Variants in ERBB4 observed in about 807,000 individuals in gnomAD.
ERBB4 encodes receptor tyrosine-protein kinase erbB-4.
Under a neutral mutation model 158.0 loss-of-function variants are expected in ERBB4, and 42 were observed. That is an observed-to-expected ratio of 0.27 (90% confidence interval 0.21 to 0.34). The LOEUF is 0.34. Among genes scored for constraint, ERBB4 ranks in the 10% least tolerant of loss-of-function variants. ERBB4 has a pLI of 1.00. For missense variants in ERBB4, 1,333 were observed against 1,624.1 expected, an observed-to-expected ratio of 0.82 and a Z score of 3.08; for synonymous variants, 583 against 558.7, an observed-to-expected ratio of 1.04 and a Z score of -0.61.
rs2074136408 is a variant in ERBB4 at position 211,722,528 on chromosome 2, T to G, written c.748A>C (p.Met250Leu). The change falls in exon 7 of 28, where the codon ATG becomes CTG. Residue 250 changes from methionine to leucine, a missense_variant. By Grantham distance (15) the Met-to-Leu change is conservative. Coordinates refer to ENST00000342788, the MANE Select transcript of ERBB4 (RefSeq NM_005235.3). The stretch of plus-strand genomic sequence containing the variant: ...CATGCTCCACTGTCATTGAAATTCA[T>G]GCAGGCCTGCAACACAGCAAATATT... Reference protein sequence around the residue: ...GPKDTDCFACMNFNDSGACVT... With the variant: ...GPKDTDCFACLNFNDSGACVT... 1 of 1,613,940 alleles carries G rather than the reference T, an allele frequency of 6.2e-7. No homozygotes were observed. Among genetic ancestry groups the G allele is most frequent in the Non-Finnish European group, 8.5e-7 (1 of 1,179,910 alleles).
chr2:212,104,052 A>G (rs571071457), intron 2 of ERBB4, among the ~76,000 whole-genome samples: 1 of 152,258 alleles, frequency 6.6e-6, no homozygotes, highest in African/African-American at 2.4e-5. Context: ...TCTTTGTGCT[A>G]GAAATACAAC....
intron 1 of ERBB4, among the ~76,000 whole-genome samples, chr2:212,295,083 T>G (rs1170876464): frequency 6.6e-6 from 1 of 152,108 alleles, no homozygotes; most frequent in African/African-American, 2.4e-5. Context: ...CCAATTCCAT[T>G]GGCAGAGCAG....
At chr2:211,431,929 A>G (rs1034282437) in intron 20 of ERBB4, among the ~76,000 whole-genome samples, 2 of 152,146 alleles carry the variant, frequency 1.3e-5, no homozygotes, top group African/African-American at 4.8e-5. Context: ...TTCAGAAAAA[A>G]TAATCTAGAG....
At chr2:212,120,928 A>C (rs998850773) in intron 2 of ERBB4, among the ~76,000 whole-genome samples, 3 of 152,214 alleles carry the variant, frequency 2.0e-5, no homozygotes, top group Admixed American at 6.5e-5. Flanking sequence ...TTTTCTTTAC[A>C]TGGACTCCAC....
chr2:212,212,490 G>A (rs192388643), intron 1 of ERBB4, among the ~76,000 whole-genome samples: 6 of 151,762 alleles, frequency 4.0e-5, no homozygotes, highest in African/African-American at 9.7e-5. Flanking sequence ...CATACTGTCC[G>A]AAGTAATTTA....
At chr2:211,547,587 A>T (rs887152821) in intron 20 of ERBB4, among the ~76,000 whole-genome samples, 1 of 152,098 alleles carries the variant, frequency 6.6e-6, no homozygotes, top group African/African-American at 2.4e-5. Flanking sequence ...AATAAACTAG[A>T]TATGCCAGTC....
intron 22 of ERBB4, among the ~76,000 whole-genome samples, chr2:211,424,850 G>A (rs1439893461): frequency 6.6e-6 from 1 of 152,100 alleles, no homozygotes; most frequent in Non-Finnish European, 1.5e-5. Context: ...GCACATATGA[G>A]AGCCTGAGAG....
chr2:211,400,229 A>C (rs763654873), intron 25 of ERBB4, among the ~76,000 whole-genome samples: 3 of 152,098 alleles, frequency 2.0e-5, no homozygotes, highest in Admixed American at 1.3e-4. Context: ...TGGGTGCTTT[A>C]TAAGCTTTAT....
chr2:212,128,345 G>T (rs1031869119), intron 1 of ERBB4, among the ~76,000 whole-genome samples: 3 of 152,150 alleles, frequency 2.0e-5, no homozygotes, highest in African/African-American at 7.2e-5. Context: ...GTTCTGACAT[G>T]TTGCATGACA....
At chr2:211,923,269 G>T (rs549223707) in intron 3 of ERBB4, among the ~76,000 whole-genome samples, 2 of 152,194 alleles carry the variant, frequency 1.3e-5, no homozygotes, top group South Asian at 2.1e-4. Context: ...AGAAAATCTC[G>T]CAACAAAGGA....
Position 211,630,996 on chromosome 2 carries a change from T to A in ERBB4, c.1947-402A>T, listed in dbSNP as rs191313976. ...AGAATATTGTTGTGGTTTGTAATTT[T>A]ATTTCCAGTAATTTCTCTGAAGCAG... On this transcript the variant is annotated intron_variant, in intron 16 of 27. Transcript: ENST00000342788. 1.2e-4 allele frequency among the ~76,000 whole-genome samples: 19 copies of A among 152,344 alleles called. No individual in the cohort carries two copies. In the East Asian group the frequency reaches 3.5e-3, roughly 28 times the overall value.
At chr2:212,458,543 G>T (rs1322938714) in intron 1 of ERBB4, among the ~76,000 whole-genome samples, 1 of 152,058 alleles carries the variant, frequency 6.6e-6, no homozygotes, top group African/African-American at 2.4e-5. Flanking sequence ...TGAAAGACCT[G>T]TAGGTTGTGC....
At chr2:211,561,783 A>G (rs2067400366) in intron 20 of ERBB4, 120 bp downstream of exon 20, 2 of 891,878 alleles carry the variant, frequency 2.2e-6, no homozygotes, top group African/African-American at 3.3e-5. Flanking sequence ...CTTTCATTGC[A>G]GCAAATATAC....
chr2:212,534,873 G>A (rs1311438814), intron 1 of ERBB4, among the ~76,000 whole-genome samples: 1 of 152,124 alleles, frequency 6.6e-6, no homozygotes, highest in East Asian at 1.9e-4. Context: ...ATCAGCCAAT[G>A]CAAACTTACT....
intron 1 of ERBB4, among the ~76,000 whole-genome samples, chr2:212,159,535 T>C (rs1274563734): frequency 6.6e-6 from 1 of 151,980 alleles, no homozygotes; most frequent in Non-Finnish European, 1.5e-5. Context: ...CTCATCTAAA[T>C]GCCAGCCTGG....
chr2:212,322,990 T>C (rs1200890555), intron 1 of ERBB4, among the ~76,000 whole-genome samples: 1 of 150,522 alleles, frequency 6.6e-6, no homozygotes, highest in Admixed American at 6.6e-5. Flanking sequence ...GGGAGCTGAT[T>C]GCTTGATTGA....
chr2:211,879,946 G>A (rs994447523), intron 3 of ERBB4, among the ~76,000 whole-genome samples: 2 of 150,502 alleles, frequency 1.3e-5, no homozygotes, highest in African/African-American at 4.9e-5. Context: ...AAGTATGAAA[G>A]TTATATATTT....
intron 18 of ERBB4, 142 bp from the exon 19 acceptor site, chr2:211,619,417 T>A: frequency 1.6e-6 from 1 of 632,484 alleles, no homozygotes; most frequent in Non-Finnish European, 2.8e-6. Flanking sequence ...ACTCTGCAAC[T>A]TTGTTGTCTG....
chr2:211,583,590 A>G (rs1040414380), intron 19 of ERBB4, among the ~76,000 whole-genome samples: 1 of 151,636 alleles, frequency 6.6e-6, no homozygotes, highest in African/African-American at 2.4e-5. Flanking sequence ...GTATTCAACA[A>G]TATACCTATT....
Sources: gnomAD v4.1 joint callset for allele counts (sites outside exome capture counted in the v4.1 genomes callset) on GRCh38, gnomAD v4.1.1 for gene constraint, MANE v1.5 for transcripts, NCBI Gene and HGNC (gene_info 2026-07-23, HGNC 2026-07-21) for gene names.